Variants in MAP2K1 observed in about 807,000 individuals in gnomAD.
MAP2K1 encodes the protein mitogen-activated protein kinase kinase 1, also known as dual specificity mitogen-activated protein kinase kinase 1.
In MAP2K1, 16 loss-of-function variants were observed where a neutral mutation model predicts 46.3. The observed-to-expected ratio is 0.35, with a 90% CI of 0.23 to 0.52. The LOEUF (loss-of-function observed/expected upper bound fraction) is 0.52. Ranked by LOEUF, MAP2K1 falls within the 20% of genes least tolerant of loss-of-function variation. The pLI is 0.94. For missense variants in MAP2K1, 263 were observed against 497.1 expected (o/e 0.53, Z 4.48); for synonymous variants, 183 against 185.6 (o/e 0.99, Z 0.11).
intron 5 of MAP2K1, among the ~76,000 whole-genome samples, chr15:66,447,448 T>C (rs1891899452): frequency 6.6e-6 from 1 of 152,094 alleles, no homozygotes; most frequent in African/African-American, 2.4e-5. Flanking sequence ...CCCAGCACTT[T>C]GGGAGGCCGA....
At chr15:66,415,373 G>C (rs2093422177) in intron 1 of MAP2K1, among the ~76,000 whole-genome samples, 2 of 152,204 alleles carry the variant, frequency 1.3e-5, no homozygotes, top group African/African-American at 4.8e-5. Flanking sequence ...CAGGGACAAA[G>C]GCCAGCCAAA....
At chr15:66,428,316 G>A (rs2093465156) in intron 1 of MAP2K1, among the ~76,000 whole-genome samples, 1 of 128,758 alleles carries the variant, frequency 7.8e-6, no homozygotes, top group African/African-American at 2.8e-5. Flanking sequence ...GTGTGTGTGT[G>A]TGTGTGTGTA....
intron 5 of MAP2K1, among the ~76,000 whole-genome samples, chr15:66,469,526 CTA>C (rs1304626287): frequency 3.8e-5 from 4 of 105,698 alleles, no homozygotes. Context: ...CTATTATAAA[CTA>C]TTTTAGGTTT....
intron 1 of MAP2K1, among the ~76,000 whole-genome samples, chr15:66,397,258 C>G (rs1219917460): frequency 5.3e-5 from 8 of 152,126 alleles, no homozygotes; most frequent in Non-Finnish European, 1.0e-4. Context: ...CTGCCTCGGC[C>G]TCCCAAAGTG....
chr15:66,391,535 G>T (rs1474588804), intron 1 of MAP2K1, among the ~76,000 whole-genome samples: 2 of 152,154 alleles, frequency 1.3e-5, no homozygotes, highest in Admixed American at 6.5e-5. Context: ...TGATCCCAAA[G>T]TGCTGGGATT....
chr15:66,397,085 A>G (rs999563025), intron 1 of MAP2K1, among the ~76,000 whole-genome samples: 2 of 140,174 alleles, frequency 1.4e-5, no homozygotes, highest in African/African-American at 5.4e-5. Flanking sequence ...GCTCACTGCA[A>G]GCTCCGCCTC....
At position 66,462,722 on chromosome 15, in the gene MAP2K1, G is replaced by C. The variant is rs981086318; in HGVS notation, c.568+18015G>C. ...CTCTTGTGGGTGGACAGCTGTCAGG[G>C]GAGGCTTCACAGAGGAGCTGGGAGC... On this transcript the variant is annotated intron_variant, in intron 5 of 10. Transcript: ENST00000307102. Among the ~76,000 whole-genome samples the C allele has an allele frequency of 3.9e-5, 6 of 152,218 alleles. No individual in the cohort carries two copies. In the East Asian group the frequency reaches 1.2e-3, roughly 29 times the overall value.
intron 3 of MAP2K1, among the ~76,000 whole-genome samples, chr15:66,440,973 T>A (rs916243293): frequency 1.1e-4 from 16 of 152,254 alleles, no homozygotes; most frequent in Admixed American, 9.8e-4. Context: ...ATTAACTGAT[T>A]AATTTTACAG....
At chr15:66,447,655 C>T (rs1891907091) in intron 5 of MAP2K1, among the ~76,000 whole-genome samples, 2 of 147,182 alleles carry the variant, frequency 1.4e-5, no homozygotes, top group Non-Finnish European at 1.5e-5. Context: ...CATGCCATTG[C>T]ACTCTAGCCT....
chr15:66,483,905 G>T (rs777101277), intron 6 of MAP2K1, among the ~76,000 whole-genome samples: 3 of 151,566 alleles, frequency 2.0e-5, no homozygotes, highest in Non-Finnish European at 4.4e-5. Flanking sequence ...GTGCCACCAC[G>T]CCCGGCTAAT....
intron 5 of MAP2K1, among the ~76,000 whole-genome samples, chr15:66,472,303 CA>C (rs60289963): frequency 0.25 from 33,580 of 136,630 alleles, 3,950 homozygotes; most frequent in Middle Eastern, 0.36. Context: ...GACTTCGTCT[CA>C]AAAAAAAAAA....
intron 8 of MAP2K1, 123 bp downstream of exon 8, chr15:66,487,415 G>A: frequency 2.2e-6 from 2 of 896,096 alleles, no homozygotes; most frequent in Non-Finnish European, 1.9e-6. Flanking sequence ...GAGGCGGGTG[G>A]ATCACACGAG....
At chr15:66,411,765 GATAT>G (rs531054656) in intron 1 of MAP2K1, among the ~76,000 whole-genome samples, 1 of 152,138 alleles carries the variant, frequency 6.6e-6, no homozygotes, top group South Asian at 2.1e-4. Flanking sequence ...CAGAAGAAAA[GATAT>G]ATATATGTAT....
intron 1 of MAP2K1, among the ~76,000 whole-genome samples, chr15:66,387,894 G>T (rs2093346146): frequency 6.6e-6 from 1 of 152,182 alleles, no homozygotes; most frequent in Non-Finnish European, 1.5e-5. Context: ...ACACCTGTGG[G>T]GCCTGAGTGC....
chr15:66,410,382 G>T (rs2093408341), intron 1 of MAP2K1, among the ~76,000 whole-genome samples: 1 of 152,164 alleles, frequency 6.6e-6, no homozygotes, highest in South Asian at 2.1e-4. Context: ...AACTGTGTGG[G>T]TTTGAGCGAT....
intron 5 of MAP2K1, among the ~76,000 whole-genome samples, chr15:66,467,619 G>A (rs1692535212): frequency 6.6e-6 from 1 of 152,066 alleles, no homozygotes; most frequent in South Asian, 2.1e-4. Flanking sequence ...AGAGTGCAGT[G>A]ACATGATCTC....
At chr15:66,467,343 C>G (rs1432780772) in intron 5 of MAP2K1, among the ~76,000 whole-genome samples, 2 of 152,190 alleles carry the variant, frequency 1.3e-5, no homozygotes, top group African/African-American at 4.8e-5. Flanking sequence ...TGTCCTTGTT[C>G]ATTCCTGGGC....
chr15:66,413,708 T>A (rs2093417126), intron 1 of MAP2K1, among the ~76,000 whole-genome samples: 1 of 152,138 alleles, frequency 6.6e-6, no homozygotes, highest in Non-Finnish European at 1.5e-5. Flanking sequence ...TCCAGCTTAA[T>A]TGAGGGTATG....
chr15:66,443,601 T>C (rs1405770368), intron 4 of MAP2K1, among the ~76,000 whole-genome samples: 8 of 152,064 alleles, frequency 5.3e-5, no homozygotes, highest in Admixed American at 2.6e-4. Context: ...CCAGGCACAG[T>C]GGCTCGCACC....
Sources: allele counts gnomAD v4.1 joint callset (sites outside exome capture counted in the v4.1 genomes callset), GRCh38; gene constraint gnomAD v4.1.1; transcripts MANE v1.5; gene names NCBI Gene and HGNC (gene_info 2026-07-23, HGNC 2026-07-21).